Variants in TAB2 observed in about 807,000 individuals in gnomAD.
The protein encoded by TAB2 is TGF-beta activated kinase 1 (MAP3K7) binding protein 2.
In TAB2, 3 loss-of-function variants were observed where a neutral mutation model predicts 65.0. The observed-to-expected ratio is 0.05, with a 90% CI of 0.02 to 0.12. The LOEUF (loss-of-function observed/expected upper bound fraction) is 0.12, where lower values mean the gene tolerates loss of function less well. Among genes scored for constraint, TAB2 ranks in the 10% least tolerant of loss-of-function variants. TAB2 has a pLI of 1.00. For missense variants in TAB2, 623 were observed against 840.3 expected (o/e 0.74, Z 3.20); for synonymous variants, 298 against 285.1 (o/e 1.05, Z -0.46).
At chr6:149,332,942 A>G (rs1779825834) in intron 1 of TAB2, among the ~76,000 whole-genome samples, 1 of 152,156 alleles carries the variant, frequency 6.6e-6, no homozygotes, top group African/African-American at 2.4e-5. Flanking sequence ...ATTAGCTCCA[A>G]TAATATTTCC....
chr6:149,362,618 C>G (rs1780888889), intron 1 of TAB2, among the ~76,000 whole-genome samples: 2 of 151,826 alleles, frequency 1.3e-5, no homozygotes, highest in African/African-American at 4.8e-5. Context: ...AAATTGAAAA[C>G]TGAAATTTGT....
intron 1 of TAB2, among the ~76,000 whole-genome samples, chr6:149,349,419 CA>C (rs369838005): frequency 0.016 from 1,280 of 81,906 alleles, 6 homozygotes; most frequent in Middle Eastern, 0.019. Context: ...CACTCCGTCT[CA>C]AAAAAAAAAA....
intron 1 of TAB2, among the ~76,000 whole-genome samples, chr6:149,289,244 C>A (rs571234596): frequency 5.0e-4 from 76 of 152,176 alleles, no homozygotes; most frequent in African/African-American, 1.8e-3. Context: ...AAGGCAAAAT[C>A]AGGCAGAGTG....
Position 149,347,150 on chromosome 6 carries a change from T to C in TAB2, c.-89-22759T>C, listed in dbSNP as rs371343769. 9 of 152,348 alleles carry C rather than the reference T, an allele frequency of 5.9e-5. No homozygotes were observed. The East Asian group carries it at 1.7e-3, about 29-fold the overall frequency. The allele number at this position is 152,348 out of a possible 1,614,324, so 9.4% of individuals were successfully genotyped here. A position where few individuals can be genotyped will look rare whatever the true frequency, so the allele number is the denominator to read the frequency against. On this transcript the variant is annotated intron_variant, in intron 1 of 6. Transcript: ENST00000637181. ...TATAACCATTCCGTCTTAGATTTAT[T>C]GCACTTTTCTTGATCCTTAGAAAAT...
At chr6:149,400,421 C>T (rs778672275) in intron 6 of TAB2, 19 of 1,614,216 alleles carry the variant, frequency 1.2e-5, no homozygotes, top group Non-Finnish European at 1.6e-5. Context: ...CAGAAGAAGT[C>T]AAGACTGAGA....
chr6:149,242,645 T>C (rs999863836), intron 1 of TAB2, among the ~76,000 whole-genome samples: 5 of 152,240 alleles, frequency 3.3e-5, no homozygotes, highest in Admixed American at 1.3e-4. Flanking sequence ...CACACTTTTC[T>C]GGAAGAACCT....
chr6:149,392,218 G>C (rs1782012305), intron 3 of TAB2, among the ~76,000 whole-genome samples: 1 of 151,950 alleles, frequency 6.6e-6, no homozygotes, highest in Admixed American at 6.6e-5. Context: ...TCAGTTCACT[G>C]CTACATCCAC....
At chr6:149,218,719 A>G (rs1005093818) in exon 1 of TAB2, 4 of 455,786 alleles carry the variant, frequency 8.8e-6, no homozygotes, top group Admixed American at 4.7e-5. Context: ...GACTGCCTGG[A>G]TGAAGAAGGA....
chr6:149,398,981 G>C, intron 5 of TAB2, 123 bp from the exon 6 acceptor site: 1 of 821,074 alleles, frequency 1.2e-6, no homozygotes, highest in Non-Finnish European at 2.0e-6. Flanking sequence ...GAGGTTAGAG[G>C]GGCAAAATAA....
chr6:149,409,097 TC>T (rs1782757584), intron 6 of TAB2, among the ~76,000 whole-genome samples: 1 of 152,200 alleles, frequency 6.6e-6, no homozygotes, highest in South Asian at 2.1e-4. Context: ...TTTATTTGTG[TC>T]ATCCAAGGCT....
intron 1 of TAB2, among the ~76,000 whole-genome samples, chr6:149,287,329 G>A (rs1056238233): frequency 6.6e-6 from 1 of 152,050 alleles, no homozygotes; most frequent in African/African-American, 2.4e-5. Flanking sequence ...AGCACTGTTT[G>A]AAAAACAAAT....
At position 149,400,493 on chromosome 6, in the gene TAB2, T is replaced by G. The variant is rs763159281; in HGVS notation, c.1939+1309T>G. 17 of 1,614,070 alleles carry G rather than the reference T, an allele frequency of 1.1e-5. No individual in the cohort carries two copies. In the Admixed American group the frequency reaches 1.2e-4, roughly 11 times the overall value. ...ATGGTTCTGTGGTGCAGTTTAAGAT[T>G]AAGAGGCAGACACCACTTAGTAAAC... On this transcript the variant is annotated intron_variant, in intron 6 of 6. Coordinates refer to ENST00000637181, the MANE Select transcript of TAB2 (RefSeq NM_001292034.3).
At chr6:149,387,145 G>A (rs897025272) in intron 3 of TAB2, among the ~76,000 whole-genome samples, 2 of 151,974 alleles carry the variant, frequency 1.3e-5, no homozygotes, top group African/African-American at 2.4e-5. Flanking sequence ...TTGCTCTTGC[G>A]TTTGGTGTCC....
intron 1 of TAB2, among the ~76,000 whole-genome samples, chr6:149,248,424 A>AAGG (rs1554253863): frequency 3.2e-5 from 1 of 31,054 alleles, no homozygotes; most frequent in African/African-American, 2.0e-4. Flanking sequence ...AAAGAAAAAG[A>AAGG]AAGAAAGGAA....
intron 2 of TAB2, among the ~76,000 whole-genome samples, chr6:149,377,629 A>G (rs191593855): frequency 6.6e-6 from 1 of 152,324 alleles, no homozygotes; most frequent in Admixed American, 6.5e-5. Context: ...ATATTTTTCC[A>G]TTTAGCTTTT....
chr6:149,222,677 T>C (rs1194113011), intron 1 of TAB2, among the ~76,000 whole-genome samples: 3 of 152,032 alleles, frequency 2.0e-5, no homozygotes, highest in Admixed American at 6.5e-5. Context: ...TGGTTCTGTT[T>C]CTCTGGAGAT....
intron 6 of TAB2, among the ~76,000 whole-genome samples, chr6:149,405,304 T>A (rs763207934): frequency 6.6e-6 from 1 of 152,224 alleles, no homozygotes; most frequent in Non-Finnish European, 1.5e-5. Context: ...AGAACGCTTG[T>A]ACACTTTCAT....
At chr6:149,279,055 C>T (rs1778526394) in intron 1 of TAB2, among the ~76,000 whole-genome samples, 1 of 152,224 alleles carries the variant, frequency 6.6e-6, no homozygotes, top group South Asian at 2.1e-4. Context: ...AAAGTCCATT[C>T]CTTGATTCCA....
intron 1 of TAB2, among the ~76,000 whole-genome samples, chr6:149,273,106 C>A (rs557942324): frequency 4.6e-5 from 7 of 152,090 alleles, no homozygotes; most frequent in Non-Finnish European, 7.4e-5. Flanking sequence ...CATCGAGGAC[C>A]ACTGATCGAG....
Sources: gnomAD v4.1 joint callset for allele counts (sites outside exome capture counted in the v4.1 genomes callset) on GRCh38, gnomAD v4.1.1 for gene constraint, MANE v1.5 for transcripts, NCBI Gene and HGNC (gene_info 2026-07-23, HGNC 2026-07-21) for gene names.